Variants in RBFOX3 observed in about 807,000 individuals in gnomAD.
RBFOX3 encodes the protein RNA binding protein fox-1 homolog 3.
A neutral mutation model predicts 48.7 loss-of-function variants in RBFOX3; 17 were observed. The ratio of observed to expected loss-of-function variants is 0.35; its 90% confidence interval spans 0.24 to 0.52. The LOEUF (loss-of-function observed/expected upper bound fraction) is 0.52. Ranked by LOEUF, RBFOX3 falls within the 20% of genes least tolerant of loss-of-function variation. RBFOX3 has a pLI of 0.94. For synonymous variants in RBFOX3, 212 were observed against 209.5 expected (o/e 1.01, Z -0.10); for missense variants, 382 against 497.5 (o/e 0.77, Z 2.21).
chr17:79,504,250 G>A (rs1286298429), intron 1 of RBFOX3, among the ~76,000 whole-genome samples: 11 of 152,358 alleles, frequency 7.2e-5, no homozygotes, highest in South Asian at 6.2e-4. Flanking sequence ...TAACAAAGCC[G>A]TTGGCAGCAG....
At chr17:79,453,338 C>T (rs2073895870) in intron 2 of RBFOX3, among the ~76,000 whole-genome samples, 2 of 152,168 alleles carry the variant, frequency 1.3e-5, no homozygotes, top group Non-Finnish European at 2.9e-5. Context: ...GTGTGGCCAG[C>T]AGAGATGGCC....
chr17:79,289,214 C>T (rs1039418073), intron 3 of RBFOX3, among the ~76,000 whole-genome samples: 5 of 152,214 alleles, frequency 3.3e-5, no homozygotes, highest in African/African-American at 1.2e-4. Flanking sequence ...GTCTCAGGCC[C>T]GAGTCGGCGG....
In RBFOX3 at chr17:79,249,298, A is replaced by G. The variant is rs375468620; in HGVS notation, c.-73-13493T>C. Reference sequence around the variant, plus strand: ...TAGTGAGATGCTGAGCTGTGAACAAAGTCAGAGTCCACTCATAACCACCTC... The same window carrying G: ...TAGTGAGATGCTGAGCTGTGAACAAGGTCAGAGTCCACTCATAACCACCTC... On this transcript the variant is annotated intron_variant, in intron 3 of 14. Coordinates refer to ENST00000693108, the MANE Select transcript of RBFOX3 (RefSeq NM_001350451.2). This position sits in a 1 kb window ranked among gnomAD's most constrained non-coding sequence, Gnocchi z 4.1. Among the ~76,000 whole-genome samples the G allele has an allele frequency of 3.8e-4, 58 of 151,924 alleles. No homozygotes were observed. In the South Asian group the frequency reaches 0.012, roughly 32 times the overall value.
At chr17:79,116,585 C>A (rs2034040481) in intron 4 of RBFOX3, among the ~76,000 whole-genome samples, 1 of 152,276 alleles carries the variant, frequency 6.6e-6, no homozygotes, top group Admixed American at 6.5e-5. Flanking sequence ...CCAGCCCGCA[C>A]CTGGATCCCT....
At chr17:79,134,127 T>A (rs1293786252) in intron 4 of RBFOX3, among the ~76,000 whole-genome samples, 1 of 152,200 alleles carries the variant, frequency 6.6e-6, no homozygotes, top group Non-Finnish European at 1.5e-5. Context: ...GCCTCAGGTC[T>A]GGGACGTTCC....
At chr17:79,450,056 T>C (rs970737789) in intron 2 of RBFOX3, among the ~76,000 whole-genome samples, 3 of 152,078 alleles carry the variant, frequency 2.0e-5, no homozygotes, top group South Asian at 4.1e-4. Context: ...AGAGAGACCG[T>C]GGAACGATGG....
chr17:79,509,616 C>T (rs1450927201), intron 1 of RBFOX3, among the ~76,000 whole-genome samples: 9 of 152,180 alleles, frequency 5.9e-5, no homozygotes, highest in African/African-American at 1.7e-4. Flanking sequence ...CTTATACTAA[C>T]GGTTCCATGG....
At chr17:79,184,329 TCCCCTCCCTGTA>T (rs760405630) in intron 4 of RBFOX3, among the ~76,000 whole-genome samples, 18 of 152,134 alleles carry the variant, frequency 1.2e-4, no homozygotes, top group Non-Finnish European at 2.4e-4. Flanking sequence ...CAATGCATCC[TCCCCTCCCTGTA>T]CCCAGACACA....
chr17:79,598,134 A>G (rs1470662343), intron 1 of RBFOX3: 3 of 152,244 alleles, frequency 2.0e-5, no homozygotes, highest in Admixed American at 1.3e-4. Context: ...CTGCCTTCCA[A>G]TAACATTGCC....
chr17:79,490,238 C>T (rs898258908), intron 1 of RBFOX3, among the ~76,000 whole-genome samples: 45 of 152,270 alleles, frequency 3.0e-4, no homozygotes, highest in African/African-American at 1.0e-3. Context: ...TACAGTGTAC[C>T]TTTTGGTATT....
chr17:79,310,644 C>T (rs937670743), intron 2 of RBFOX3, among the ~76,000 whole-genome samples: 32 of 152,196 alleles, frequency 2.1e-4, no homozygotes, highest in African/African-American at 6.5e-4. Flanking sequence ...GAAGGACCTC[C>T]ACCCTCCTCC....
At chr17:79,312,150 G>A (rs1211033625) in intron 2 of RBFOX3, among the ~76,000 whole-genome samples, 2 of 152,168 alleles carry the variant, frequency 1.3e-5, no homozygotes, top group African/African-American at 2.4e-5. Context: ...TGTGCACAAC[G>A]AGGTGGGGCT....
rs902348022 is a variant in RBFOX3 at position 79,254,323 on chromosome 17, G to A, written c.-73-18518C>T. ...CCTCGTTCAGAACCCTGCCCACCCC[G>A]CAACCCCCAGGTGGCAGCAGGTGAG... On this transcript the variant is annotated intron_variant, in intron 3 of 14. Transcript: ENST00000693108. This position sits in a 1 kb window ranked among gnomAD's most constrained non-coding sequence, Gnocchi z 4.8. Among the ~76,000 whole-genome samples, 5 of 152,082 alleles carry A rather than the reference G, an allele frequency of 3.3e-5. No homozygotes were observed. Among genetic ancestry groups the A allele is most frequent in the East Asian group, 1.9e-4 (1 of 5,156 alleles).
At position 79,095,503 on chromosome 17, in the gene RBFOX3, C is replaced by G; in HGVS notation, c.998+10G>C. 5 of 1,550,972 alleles carry G rather than the reference C, an allele frequency of 3.2e-6. No individual in the cohort carries two copies. The highest frequency in any genetic ancestry group is 4.4e-6 in the Non-Finnish European group (5 of 1,146,474). On this transcript the variant is annotated intron_variant, in intron 13 of 14. Transcript: ENST00000693108. ...CCCTGCTCCAGAACAGTGCTGGCCC[C>G]CGGCCTCACCTGTCGCTGTAGGCTG...
Position 79,462,950 on chromosome 17 carries a change from G to A in RBFOX3, c.-175+19504C>T, listed in dbSNP as rs574454477. Among the ~76,000 whole-genome samples, 57 of 152,132 alleles carry A rather than the reference G, an allele frequency of 3.7e-4. 1 individual carries two copies. Among genetic ancestry groups the A allele is most frequent in the Middle Eastern group, 6.8e-3 (2 of 294 alleles). On this transcript the variant is annotated intron_variant, in intron 2 of 14. Coordinates refer to ENST00000693108, the MANE Select transcript of RBFOX3 (RefSeq NM_001350451.2). ...AGAGAAGCCTCTTTGAGCATCGTTC[G>A]ATTGCCCTGTTGCCACTGCCACCTC...
chr17:79,115,325 GAC>G (rs1234501481), intron 5 of RBFOX3, among the ~76,000 whole-genome samples, 167 bp downstream of exon 5: 1 of 152,176 alleles, frequency 6.6e-6, no homozygotes, highest in Non-Finnish European at 1.5e-5. Flanking sequence ...CACTGGGGGT[GAC>G]TTCTGGCCCA....
intron 4 of RBFOX3, among the ~76,000 whole-genome samples, chr17:79,131,152 T>C (rs1390300552): frequency 6.6e-6 from 1 of 151,954 alleles, no homozygotes; most frequent in African/African-American, 2.4e-5. Context: ...TGCTTGTGTG[T>C]ACCGTGTGTG....
At chr17:79,499,673 T>A (rs2082119380) in intron 1 of RBFOX3, among the ~76,000 whole-genome samples, 1 of 152,348 alleles carries the variant, frequency 6.6e-6, no homozygotes, top group South Asian at 2.1e-4. Context: ...CTTTCTCAAC[T>A]TCAGTTTAAT....
chr17:79,283,150 A>G (rs2070987442), intron 3 of RBFOX3, among the ~76,000 whole-genome samples: 1 of 152,182 alleles, frequency 6.6e-6, no homozygotes, highest in Non-Finnish European at 1.5e-5. Context: ...ATGGAACAGG[A>G]GCAGCCTCCG....
Sources: allele counts gnomAD v4.1 joint callset (sites outside exome capture counted in the v4.1 genomes callset), GRCh38; gene constraint gnomAD v4.1.1; non-coding constraint Gnocchi (gnomAD v3.1); transcripts MANE v1.5; gene names NCBI Gene and HGNC (gene_info 2026-07-23, HGNC 2026-07-21).